The following CALN1 variants were observed in gnomAD, a reference collection of about 807,000 sequenced individuals.
CALN1 encodes calcium-binding protein 8.
CALN1 carries 17 observed loss-of-function variants against 30.6 expected under a neutral mutation model. That is an observed-to-expected ratio of 0.56 (90% confidence interval 0.38 to 0.83). CALN1 has a LOEUF of 0.83. CALN1 is among the 40% of genes least tolerant of loss of function. CALN1 has a pLI of 0.00. For synonymous variants in CALN1, 156 were observed against 131.4 expected, an observed-to-expected ratio of 1.19 and a Z score of -1.28; for missense variants, 291 against 354.9, an observed-to-expected ratio of 0.82 and a Z score of 1.45.
chr7:71,862,117 C>T (rs1286371920), intron 5 of CALN1, among the ~76,000 whole-genome samples: 2 of 152,214 alleles, frequency 1.3e-5, no homozygotes, highest in Non-Finnish European at 2.9e-5. Context: ...GCCTAATTCT[C>T]AGGAACAACT....
upstream of CALN1, among the ~76,000 whole-genome samples, chr7:72,449,019 T>A (rs1808605747): frequency 6.6e-6 from 1 of 151,966 alleles, no homozygotes; most frequent in African/African-American, 2.4e-5. Flanking sequence ...GTGTCAGGGG[T>A]GTCCAGGAGG....
At chr7:71,887,034 T>C (rs1424910221) in intron 5 of CALN1, among the ~76,000 whole-genome samples, 2 of 152,078 alleles carry the variant, frequency 1.3e-5, no homozygotes, top group Non-Finnish European at 2.9e-5. Context: ...GAGATTTTGC[T>C]AAGGGAAAAT....
chr7:72,403,122 T>TC, intron 2 of CALN1, 129 bp downstream of exon 2: 1 of 636,586 alleles, frequency 1.6e-6, no homozygotes, highest in Non-Finnish European at 2.7e-6. Flanking sequence ...CTCCCAGGTG[T>TC]CCATTTCATA....
intron 3 of CALN1, among the ~76,000 whole-genome samples, chr7:72,245,643 TA>T (rs1795110833): frequency 6.6e-6 from 1 of 151,372 alleles, no homozygotes; most frequent in South Asian, 2.1e-4. Context: ...AATAAATAAA[TA>T]AATAAATAAA....
intron 6 of CALN1, among the ~76,000 whole-genome samples, chr7:71,789,584 T>C (rs547508943): frequency 6.6e-6 from 1 of 151,856 alleles, no homozygotes. Context: ...AATGTGAAGA[T>C]AGGGGGGCAC....
chr7:72,482,238 C>T, the CALN1 span, among the ~76,000 whole-genome samples: 2 of 151,978 alleles, frequency 1.3e-5, no homozygotes, highest in African/African-American at 4.8e-5. Flanking sequence ...TGCTTCTGAC[C>T]CATTTGGATT....
the CALN1 span, among the ~76,000 whole-genome samples, chr7:72,494,539 T>C: frequency 6.6e-6 from 1 of 152,118 alleles, no homozygotes; most frequent in African/African-American, 2.4e-5. Context: ...GGGAATTCCC[T>C]GGACCTCAAC....
chr7:72,364,036 A>C (rs1369041148), intron 2 of CALN1, among the ~76,000 whole-genome samples: 1 of 150,500 alleles, frequency 6.6e-6, no homozygotes, highest in Admixed American at 6.7e-5. Context: ...TGCCCGGCAC[A>C]AAATGTGTTT....
chr7:72,133,349 A>G (rs1275197323), intron 3 of CALN1, among the ~76,000 whole-genome samples: 2 of 151,922 alleles, frequency 1.3e-5, no homozygotes, highest in Non-Finnish European at 2.9e-5. Context: ...AATAAACAAT[A>G]ACGGCAGTAG....
At chr7:72,456,043 G>A in the CALN1 span, among the ~76,000 whole-genome samples, 1 of 152,052 alleles carries the variant, frequency 6.6e-6, no homozygotes, top group African/African-American at 2.4e-5. Flanking sequence ...AATTAGCTGG[G>A]CCTGGTGGCA....
At chr7:72,215,098 T>C (rs1792683135) in intron 3 of CALN1, among the ~76,000 whole-genome samples, 1 of 152,012 alleles carries the variant, frequency 6.6e-6, no homozygotes, top group Non-Finnish European at 1.5e-5. Context: ...CATCCCCCAC[T>C]GCTCCATGGG....
intron 5 of CALN1, among the ~76,000 whole-genome samples, chr7:71,947,693 C>A (rs1796474852): frequency 6.6e-6 from 1 of 152,118 alleles, no homozygotes; most frequent in Non-Finnish European, 1.5e-5. Flanking sequence ...GTAATCCCAG[C>A]ACTTTGAGAG....
At chr7:72,219,634 TGC>T (rs1231737753) in intron 3 of CALN1, among the ~76,000 whole-genome samples, 1 of 151,804 alleles carries the variant, frequency 6.6e-6, no homozygotes, top group Non-Finnish European at 1.5e-5. Context: ...AAGATACACA[TGC>T]GCGCACACAC....
At chr7:72,129,984 T>TCC (rs1222208730) in intron 3 of CALN1, among the ~76,000 whole-genome samples, 1 of 152,154 alleles carries the variant, frequency 6.6e-6, no homozygotes, top group African/African-American at 2.4e-5. Context: ...ATTAATGCCC[T>TCC]CCCTCAGGGG....
intron 3 of CALN1, among the ~76,000 whole-genome samples, chr7:72,120,465 A>G (rs555117325): frequency 6.6e-6 from 1 of 152,288 alleles, no homozygotes; most frequent in East Asian, 1.9e-4. Context: ...GGATATTTAG[A>G]TAATTCCCAA....
chr7:71,789,233 A>G (rs1037893970), intron 6 of CALN1, among the ~76,000 whole-genome samples: 2 of 152,110 alleles, frequency 1.3e-5, no homozygotes, highest in Non-Finnish European at 2.9e-5. Flanking sequence ...CCTGGCCGAC[A>G]TGGTGAAACC....
At chr7:72,258,799 T>C (rs1357692586) in intron 3 of CALN1, among the ~76,000 whole-genome samples, 1 of 144,796 alleles carries the variant, frequency 6.9e-6, no homozygotes, top group Non-Finnish European at 1.5e-5. Flanking sequence ...GTGCCTGTAA[T>C]CCCAGCACTT....
chr7:72,288,227 C>A (rs1798232709), intron 2 of CALN1, among the ~76,000 whole-genome samples: 1 of 152,040 alleles, frequency 6.6e-6, no homozygotes, highest in Non-Finnish European at 1.5e-5. Context: ...GAGTTGGGAG[C>A]ACTCACATGG....
At position 71,831,102 on chromosome 7, in the gene CALN1, C is replaced by A. The variant is rs1304103469; in HGVS notation, c.502-20610G>T. Among the ~76,000 whole-genome samples, 3 of 152,104 alleles carry A rather than the reference C, an allele frequency of 2.0e-5. No homozygotes were observed. In the East Asian group the frequency reaches 5.8e-4, roughly 29 times the overall value. On this transcript the variant is annotated intron_variant, in intron 5 of 6. Coordinates refer to ENST00000395275, the MANE Select transcript of CALN1 (RefSeq NM_031468.4). ...GACTCATAATCTAGGATGGATTCTG[C>A]CACTAACTAGTTGCGTACCCTGAAG...
Sources: gnomAD v4.1 joint callset for allele counts (sites outside exome capture counted in the v4.1 genomes callset) on GRCh38, gnomAD v4.1.1 for gene constraint, MANE v1.5 for transcripts, NCBI Gene and HGNC (gene_info 2026-07-23, HGNC 2026-07-21) for gene names.